The following ADGB variants were observed in gnomAD, a reference collection of about 807,000 sequenced individuals.
ADGB encodes the protein androglobin.
ADGB carries 172 observed loss-of-function variants against 210.5 expected under a neutral mutation model. The observed-to-expected ratio is 0.82, with a 90% confidence interval of 0.72 to 0.93. The LOEUF is 0.93. Among genes scored for constraint, ADGB ranks in the 40% least tolerant of loss-of-function variants. The pLI is 0.00. For synonymous variants in ADGB, 658 were observed against 662.7 expected, an observed-to-expected ratio of 0.99 and a Z score of 0.11; for missense variants, 2,025 against 1,964.8, an observed-to-expected ratio of 1.03 and a Z score of -0.58.
intron 1 of ADGB, among the ~76,000 whole-genome samples, chr6:146,613,802 T>C (rs1172282934): frequency 6.6e-6 from 1 of 152,096 alleles, no homozygotes; most frequent in African/African-American, 2.4e-5. Flanking sequence ...AAGAAAATCA[T>C]TTTGTCTTCT....
At chr6:146,604,530 CTT>C (rs1215879665) in intron 1 of ADGB, among the ~76,000 whole-genome samples, 1 of 151,380 alleles carries the variant, frequency 6.6e-6, no homozygotes, top group East Asian at 1.9e-4. Flanking sequence ...TGTACACTGA[CTT>C]TAGGCCAGAT....
intron 34 of ADGB, 135 bp downstream of exon 34, chr6:146,801,414 T>C (rs1417793001): frequency 2.2e-6 from 1 of 465,046 alleles, no homozygotes; most frequent in Non-Finnish European, 3.7e-6. Flanking sequence ...AAAATTTCTA[T>C]CACACCTGCT....
intron 29 of ADGB, among the ~76,000 whole-genome samples, chr6:146,778,556 C>G (rs965331249): frequency 4.6e-5 from 7 of 151,782 alleles, no homozygotes; most frequent in Non-Finnish European, 1.0e-4. Flanking sequence ...TAATTTTAAG[C>G]CTTATCCTTC....
At chr6:146,641,530 C>A (rs974540530) in intron 2 of ADGB, among the ~76,000 whole-genome samples, 2 of 151,418 alleles carry the variant, frequency 1.3e-5, no homozygotes, top group African/African-American at 4.9e-5. Context: ...GTAACCAAAG[C>A]AGCATGGTAC....
At chr6:146,705,210 T>A (rs1562278986) in intron 13 of ADGB, among the ~76,000 whole-genome samples, 1 of 152,110 alleles carries the variant, frequency 6.6e-6, no homozygotes, top group Non-Finnish European at 1.5e-5. Flanking sequence ...AGGGGTTCTA[T>A]ATATGATTGT....
chr6:146,634,515 A>G (rs1775371874), intron 1 of ADGB, among the ~76,000 whole-genome samples: 1 of 152,110 alleles, frequency 6.6e-6, no homozygotes, highest in Non-Finnish European at 1.5e-5. Flanking sequence ...AACATTAAAT[A>G]ATATACCTAT....
intron 3 of ADGB, among the ~76,000 whole-genome samples, chr6:146,649,339 T>A (rs1028357196): frequency 6.6e-6 from 1 of 151,988 alleles, no homozygotes; most frequent in Non-Finnish European, 1.5e-5. Context: ...CACACAAAGA[T>A]TATTTTGTTT....
chr6:146,725,200 A>C (rs1417864065), intron 18 of ADGB: 1 of 152,232 alleles, frequency 6.6e-6, no homozygotes, highest in East Asian at 1.9e-4. Context: ...ACAACCAAGG[A>C]CAAGGAATTT....
intron 10 of ADGB, among the ~76,000 whole-genome samples, chr6:146,688,422 G>A (rs772620530): frequency 1.3e-5 from 2 of 152,154 alleles, no homozygotes; most frequent in African/African-American, 4.8e-5. Context: ...GGGATAAAGT[G>A]TGTTCAAAGC....
At chr6:146,699,858 G>T (rs542682776) in intron 12 of ADGB, among the ~76,000 whole-genome samples, 2 of 152,212 alleles carry the variant, frequency 1.3e-5, no homozygotes, top group East Asian at 3.9e-4. Flanking sequence ...ACCCCAAATG[G>T]ATTAGTTTCA....
At chr6:146,672,655 G>C (rs1276507113) in intron 8 of ADGB, among the ~76,000 whole-genome samples, 188 bp downstream of exon 8, 2 of 151,950 alleles carry the variant, frequency 1.3e-5, no homozygotes, top group Non-Finnish European at 2.9e-5. Flanking sequence ...TTTATTGAAA[G>C]CTCCTCAGTT....
Position 146,733,244 on chromosome 6 carries a change from A to T in ADGB, c.2645A>T (p.Glu882Val). 1 of 1,523,918 alleles carries T rather than the reference A, an allele frequency of 6.6e-7. No homozygotes were observed. Among genetic ancestry groups the T allele is most frequent in the African/African-American group, 1.4e-5 (1 of 70,340 alleles). 94.4% of individuals were successfully genotyped at this position (1,523,918 alleles called of 1,614,324 possible). The change falls in exon 21 of 36, where the codon GAG (glutamate) becomes GTG (valine). Residue 882 changes from glutamate to valine, a missense_variant. By Grantham distance (121) the Glu-to-Val change is moderately radical. Transcript: ENST00000397944. ...DLELLNSSLEEVSLVEWLDVK... is the reference protein window; with the variant it reads ...DLELLNSSLEVVSLVEWLDVK... ...GAGTTACTCAATTCCTCCTTGGAAG[A>T]GGTTTCTTTAGGTACCCATGAATTG... is the stretch of plus-strand genomic sequence containing the variant.
chr6:146,687,074 A>G (rs1776243023), intron 10 of ADGB, among the ~76,000 whole-genome samples: 1 of 152,102 alleles, frequency 6.6e-6, no homozygotes, highest in South Asian at 2.1e-4. Flanking sequence ...CAAAAATTTT[A>G]CTATATAACA....
intron 30 of ADGB, among the ~76,000 whole-genome samples, chr6:146,783,934 G>A (rs1315387861): frequency 3.3e-5 from 5 of 152,130 alleles, no homozygotes; most frequent in Non-Finnish European, 7.4e-5. Context: ...ACCTGGAAAT[G>A]ATCAACTATC....
intron 9 of ADGB, among the ~76,000 whole-genome samples, chr6:146,677,850 G>A (rs954522602): frequency 6.6e-6 from 1 of 152,164 alleles, no homozygotes; most frequent in Non-Finnish European, 1.5e-5. Flanking sequence ...CAGCATTATT[G>A]TTTTGGTGAG....
rs575004351 is a variant in ADGB at position 146,741,169 on chromosome 6, T to G, written c.3075T>G (p.Thr1025=). 6.5e-7 allele frequency: 1 copy of G among 1,550,152 alleles called. No individual in the cohort carries two copies. The highest frequency in any genetic ancestry group is 2.4e-5 in the East Asian group (1 of 40,822). ...TGATTTTGGTTCCCAAAGTATATACTACACTTCCAATCTGTATCCTACACA... is the reference window on the plus strand; with the variant it reads ...TGATTTTGGTTCCCAAAGTATATACGACACTTCCAATCTGTATCCTACACA... ...QDMILVPKVY[T]TLPICILHIV... is the part of the protein sequence containing the mutation. Residue 1025 remains threonine (T), a synonymous_variant, in exon 25 of 36, where the codon ACT becomes ACG. Coordinates refer to ENST00000397944, the MANE Select transcript of ADGB (RefSeq NM_024694.4).
At chr6:146,605,327 G>C (rs950620852) in intron 1 of ADGB, among the ~76,000 whole-genome samples, 2 of 152,056 alleles carry the variant, frequency 1.3e-5, no homozygotes, top group African/African-American at 4.8e-5. Flanking sequence ...AGATCTGTAA[G>C]GTGATTGTGG....
chr6:146,734,120 CT>C, intron 22 of ADGB, 90 bp downstream of exon 22: 1 of 1,241,830 alleles, frequency 8.1e-7, no homozygotes. Context: ...GAGTCCCCCA[CT>C]TTATGGCTAA....
Position 146,664,147 on chromosome 6 carries a change from G to C in ADGB, c.613-54G>C. On this transcript the variant is annotated intron_variant, in intron 5 of 35. Transcript: ENST00000397944. ...GTCAGCCACGTGCAATCATTTACGA[G>C]AGAAAAGACTGTAAGCCATTGATGG... The C allele has an allele frequency of 2.7e-6, 4 of 1,459,338 alleles. No homozygotes were observed. In the South Asian group the frequency reaches 4.2e-5, roughly 15 times the overall value. 90.4% of individuals were successfully genotyped at this position (1,459,338 alleles called of 1,614,324 possible).
Sources: gnomAD v4.1 joint callset for allele counts (sites outside exome capture counted in the v4.1 genomes callset) on GRCh38, gnomAD v4.1.1 for gene constraint, MANE v1.5 for transcripts, NCBI Gene and HGNC (gene_info 2026-07-23, HGNC 2026-07-21) for gene names.